Variants in RIMBP2 observed in about 807,000 individuals in gnomAD.
RIMBP2 encodes RIMS binding protein 2.
Under a neutral mutation model 118.6 loss-of-function variants are expected in RIMBP2, and 48 were observed. The ratio of observed to expected loss-of-function variants is 0.40; its 90% CI spans 0.32 to 0.51. The LOEUF (loss-of-function observed/expected upper bound fraction) is 0.51, where lower values mean the gene tolerates loss of function less well. Among genes scored for constraint, RIMBP2 ranks in the 20% least tolerant of loss-of-function variants. The pLI is 0.41. For synonymous variants in RIMBP2, 762 were observed against 742.9 expected, an observed-to-expected ratio of 1.03 and a Z score of -0.42; for missense variants, 1,551 against 1,768.3, an observed-to-expected ratio of 0.88 and a Z score of 2.20.
chr12:130,457,650 G>C (rs553676595), intron 6 of RIMBP2, among the ~76,000 whole-genome samples: 2 of 152,316 alleles, frequency 1.3e-5, no homozygotes, highest in Admixed American at 1.3e-4. Context: ...ACCGCCCCCC[G>C]GCACTGCAGT....
In RIMBP2 at chr12:130,555,797, G is replaced by A. The variant is rs116691943; in HGVS notation, c.-216-37880C>T. On this transcript the variant is annotated intron_variant, in intron 2 of 22. Coordinates refer to ENST00000690449, the MANE Select transcript of RIMBP2 (RefSeq NM_001393629.1). ...AAAGCCAGTTGCATGTACCAGAGGA[G>A]GGAGATTGTCCGAGACCTTGAAAAT... Among the ~76,000 whole-genome samples, 1,452 of 152,344 alleles carry A rather than the reference G, an allele frequency of 9.5e-3. 21 individuals carry two copies. The highest frequency in any genetic ancestry group is 0.033 in the African/African-American group (1,379 of 41,564).
intron 2 of RIMBP2, among the ~76,000 whole-genome samples, chr12:130,587,659 TCA>T (rs992972876): frequency 1.2e-5 from 1 of 81,840 alleles, no homozygotes; most frequent in African/African-American, 5.5e-5. Flanking sequence ...AAGGGGAATA[TCA>T]CACTCTGGGG....
chr12:130,436,838 T>C lies in RIMBP2; in HGVS notation c.2106+4A>G. 7.0e-7 allele frequency: 1 copy of C among 1,423,044 alleles called. No individual in the cohort carries two copies. Among genetic ancestry groups the C allele is most frequent in the Non-Finnish European group, 9.2e-7 (1 of 1,088,660 alleles). The allele number at this position is 1,423,044 out of a possible 1,614,324, so 88.2% of individuals were successfully genotyped here. On this transcript the variant is annotated splice_donor_region_variant and intron_variant, in intron 13 of 22. Transcript: ENST00000690449. ...AGCCACCGAGGCGGGAGCCCCAGCCTTACCCTGCTGCTCTCGGCCACCCTC... is the reference window on the plus strand; with the variant it reads ...AGCCACCGAGGCGGGAGCCCCAGCCCTACCCTGCTGCTCTCGGCCACCCTC...
chr12:130,560,470 T>C (rs2056732725), intron 2 of RIMBP2, among the ~76,000 whole-genome samples: 1 of 152,050 alleles, frequency 6.6e-6, no homozygotes, highest in East Asian at 1.9e-4. Flanking sequence ...CCCCCACCGG[T>C]AGTGACCACC....
intron 2 of RIMBP2, among the ~76,000 whole-genome samples, chr12:130,595,384 C>T (rs552185583): frequency 6.6e-6 from 1 of 152,082 alleles, no homozygotes; most frequent in Admixed American, 6.5e-5. Flanking sequence ...CAGTGAAACC[C>T]TGTCTCTACT....
intron 4 of RIMBP2, among the ~76,000 whole-genome samples, chr12:130,495,851 C>T (rs1024865145): frequency 3.9e-5 from 6 of 152,154 alleles, no homozygotes; most frequent in East Asian, 1.9e-4. Context: ...GAGAACACCC[C>T]GGTTCTCAGA....
intron 2 of RIMBP2, among the ~76,000 whole-genome samples, chr12:130,616,369 T>C (rs927607229): frequency 3.5e-4 from 53 of 151,990 alleles, no homozygotes; most frequent in African/African-American, 1.2e-3. Flanking sequence ...CCTATTAGTC[T>C]CCTCCTCTCA....
intron 2 of RIMBP2, among the ~76,000 whole-genome samples, chr12:130,610,408 C>T (rs1401131444): frequency 6.6e-6 from 1 of 152,202 alleles, no homozygotes; most frequent in Non-Finnish European, 1.5e-5. Context: ...AAAACCTCTC[C>T]ATGCTTGTAT....
At chr12:130,425,852 C>G (rs948327647) in intron 15 of RIMBP2, 1 of 152,412 alleles carries the variant, frequency 6.6e-6, no homozygotes, top group Admixed American at 6.5e-5. Context: ...TCTGTCCCCC[C>G]TCTTGCTGTG....
intron 7 of RIMBP2, among the ~76,000 whole-genome samples, chr12:130,454,798 G>A (rs1160339443): frequency 6.6e-6 from 1 of 152,220 alleles, no homozygotes; most frequent in Non-Finnish European, 1.5e-5. Context: ...GCTTTGCAGC[G>A]GGTTCCACAT....
intron 2 of RIMBP2, among the ~76,000 whole-genome samples, chr12:130,575,591 C>A (rs2058033516): frequency 6.6e-6 from 1 of 152,186 alleles, no homozygotes; most frequent in South Asian, 2.1e-4. Context: ...GTTCTAGGCA[C>A]TGGGGATCCA....
intron 2 of RIMBP2, among the ~76,000 whole-genome samples, chr12:130,579,846 G>A (rs912434682): frequency 2.0e-5 from 3 of 151,866 alleles, no homozygotes; most frequent in Non-Finnish European, 2.9e-5. Flanking sequence ...ACCAGAGCTC[G>A]AGGGAGGCAA....
chr12:130,478,862 A>C (rs1204370020), intron 5 of RIMBP2, 50 bp downstream of exon 5: 2 of 1,393,312 alleles, frequency 1.4e-6, no homozygotes, highest in Admixed American at 3.5e-5. Context: ...TCCCCGGCCC[A>C]CCCGTGGACT....
In RIMBP2 at chr12:130,439,829, G is replaced by GTGTA. The variant is rs1555250325; in HGVS notation, c.1505-1314_1505-1313insTACA. ...TGAGTCTGTGGGGGTGTCTGTGTGTGTGTGTATGTGTATCTGTGAGTCTGT... is the reference window on the plus strand; with the variant it reads ...TGAGTCTGTGGGGGTGTCTGTGTGTGTGTATGTGTATGTGTATCTGTGAGTCTGT... On this transcript the variant is annotated intron_variant, in intron 11 of 22. Transcript: ENST00000690449. Among the ~76,000 whole-genome samples, 12 of 109,584 alleles carry GTGTA rather than the reference G, an allele frequency of 1.1e-4. 1 individual carries two copies. The highest frequency in any genetic ancestry group is 2.9e-4 in the East Asian group (1 of 3,468). 71.9% of individuals were successfully genotyped at this position (109,584 alleles called of 152,430 possible).
At chr12:130,552,042 A>C (rs768390628) in intron 2 of RIMBP2, among the ~76,000 whole-genome samples, 1 of 152,268 alleles carries the variant, frequency 6.6e-6, no homozygotes, top group Non-Finnish European at 1.5e-5. Context: ...CATTGGATTA[A>C]ATTAGATAAT....
intron 14 of RIMBP2, chr12:130,432,246 T>G (rs772711718): frequency 4.4e-6 from 2 of 456,480 alleles, no homozygotes; most frequent in Non-Finnish European, 8.8e-6. Context: ...CTCGGTTCAA[T>G]CTAATTCCAG....
chr12:130,673,458 C>T (rs527411312), intron 1 of RIMBP2, among the ~76,000 whole-genome samples: 1 of 152,304 alleles, frequency 6.6e-6, no homozygotes, highest in African/African-American at 2.4e-5. Flanking sequence ...TCAGCTATGC[C>T]AGAATCAATC....
At position 130,479,599 on chromosome 12, in the gene RIMBP2, G is replaced by A. The variant is rs563291594; in HGVS notation, c.-3-583C>T. Among the ~76,000 whole-genome samples, 56 of 127,214 alleles carry A rather than the reference G, an allele frequency of 4.4e-4. No homozygotes were observed. The South Asian group carries it at 0.013, about 29-fold the overall frequency. 83.5% of individuals were successfully genotyped at this position (127,214 alleles called of 152,430 possible). On this transcript the variant is annotated intron_variant, in intron 4 of 22. Transcript: ENST00000690449. Reference sequence around the variant, plus strand: ...AAACCCAGAGTCCGCACCCTCCCGGGAGCTTCCCGGCCTCGGGCCGAGTCC... The same window carrying A: ...AAACCCAGAGTCCGCACCCTCCCGGAAGCTTCCCGGCCTCGGGCCGAGTCC...
chr12:130,438,334 A>AGCCC, intron 12 of RIMBP2, 31 bp downstream of exon 12: 10 of 1,344,502 alleles, frequency 7.4e-6, no homozygotes, highest in Non-Finnish European at 8.5e-6. Context: ...GGGCCTAACA[A>AGCCC]ACCCTCCCCA....
Sources: allele counts gnomAD v4.1 joint callset (sites outside exome capture counted in the v4.1 genomes callset), GRCh38; gene constraint gnomAD v4.1.1; transcripts MANE v1.5; gene names NCBI Gene and HGNC (gene_info 2026-07-23, HGNC 2026-07-21).